The following RIMKLB variants were observed in gnomAD, a reference collection of about 807,000 sequenced individuals.
RIMKLB encodes ribosomal modification protein rimK like family member B.
RIMKLB carries 7 observed loss-of-function variants against 32.0 expected under a neutral mutation model. The observed-to-expected ratio is 0.22, with a 90% CI of 0.12 to 0.41. The LOEUF (loss-of-function observed/expected upper bound fraction) is 0.41. RIMKLB is among the 10% of genes least tolerant of loss of function. RIMKLB has a pLI of 1.00. For synonymous variants in RIMKLB, 172 were observed against 185.1 expected (o/e 0.93, Z 0.57); for missense variants, 289 against 498.7 (o/e 0.58, Z 4.00).
At chr12:8,722,306 A>G (rs1268669732) in intron 2 of RIMKLB, among the ~76,000 whole-genome samples, 1 of 151,786 alleles carries the variant, frequency 6.6e-6, no homozygotes, top group Non-Finnish European at 1.5e-5. Context: ...TAATCTTTTT[A>G]TACATCTTCA....
intron 1 of RIMKLB, among the ~76,000 whole-genome samples, chr12:8,706,777 T>C (rs2136821013): frequency 6.6e-6 from 1 of 152,278 alleles, no homozygotes; most frequent in East Asian, 1.9e-4. Flanking sequence ...AAAAACATGC[T>C]TAACTGAGGC....
At chr12:8,710,611 A>G (rs1372350819) in intron 1 of RIMKLB, among the ~76,000 whole-genome samples, 1 of 152,106 alleles carries the variant, frequency 6.6e-6, no homozygotes, top group Non-Finnish European at 1.5e-5. Context: ...TGGCCTAGAA[A>G]AACATGTTGA....
At chr12:8,731,445 C>A (rs1946534549) in intron 2 of RIMKLB, among the ~76,000 whole-genome samples, 1 of 151,572 alleles carries the variant, frequency 6.6e-6, no homozygotes, top group Non-Finnish European at 1.5e-5. Flanking sequence ...TTAGCCAGTT[C>A]CTGGTGGTGG....
At chr12:8,674,723 T>C in the RIMKLB span, among the ~76,000 whole-genome samples, 1 of 151,918 alleles carries the variant, frequency 6.6e-6, no homozygotes, top group Non-Finnish European at 1.5e-5. Flanking sequence ...CTAATTTTTG[T>C]GTTTTTAGTA....
intron 2 of RIMKLB, among the ~76,000 whole-genome samples, chr12:8,721,095 T>C (rs1356169882): frequency 6.6e-6 from 1 of 152,208 alleles, no homozygotes; most frequent in Admixed American, 6.5e-5. Flanking sequence ...TTAATTGTAA[T>C]GTGTTTTGAT....
intron 1 of RIMKLB, among the ~76,000 whole-genome samples, chr12:8,687,337 G>C (rs1401863389): frequency 6.6e-6 from 1 of 152,048 alleles, no homozygotes; most frequent in Non-Finnish European, 1.5e-5. Context: ...TGTCTTTTTA[G>C]GACATTTCAA....
chr12:8,782,008 T>C (rs74631664), downstream of RIMKLB, among the ~76,000 whole-genome samples: 12 of 132,098 alleles, frequency 9.1e-5, no homozygotes, highest in African/African-American at 4.1e-4. Flanking sequence ...TTATTTCAGC[T>C]TTTTTTTTTT....
chr12:8,737,014 T>C (rs914817272), intron 2 of RIMKLB, among the ~76,000 whole-genome samples: 5 of 152,048 alleles, frequency 3.3e-5, no homozygotes, highest in African/African-American at 1.2e-4. Context: ...GGTTTCACCA[T>C]GTTGGCCAGG....
At chr12:8,745,812 C>T (rs997322522) in intron 2 of RIMKLB, among the ~76,000 whole-genome samples, 1 of 150,402 alleles carries the variant, frequency 6.6e-6, no homozygotes, top group Admixed American at 6.6e-5. Context: ...CTCCTGCCTC[C>T]GCCTCTCAAG....
At chr12:8,700,024 G>A (rs1394355828) in intron 1 of RIMKLB, 1 of 152,168 alleles carries the variant, frequency 6.6e-6, no homozygotes, top group Non-Finnish European at 1.5e-5. Context: ...TTTTGCCCAT[G>A]TTTTCTTAGA....
intron 1 of RIMKLB, among the ~76,000 whole-genome samples, chr12:8,698,728 C>A (rs76504789): frequency 2.3e-5 from 3 of 131,160 alleles, no homozygotes; most frequent in Admixed American, 2.2e-4. Context: ...CCCACAAATT[C>A]TATGGAGCGA....
chr12:8,741,923 CT>C (rs145008488), intron 2 of RIMKLB, among the ~76,000 whole-genome samples: 5,766 of 146,840 alleles, frequency 0.039, 449 homozygotes, highest in African/African-American at 0.13. Flanking sequence ...AAAAGGAGAG[CT>C]TTTTTTTTTG....
At chr12:8,693,626 G>A (rs1440812876), upstream of RIMKLB, among the ~76,000 whole-genome samples, 5 of 151,814 alleles carry the variant, frequency 3.3e-5, no homozygotes, top group African/African-American at 9.7e-5. Context: ...TTGAACTCCC[G>A]ACCTTAGGTG....
chr12:8,676,705 C>T (rs1340091820), upstream of RIMKLB, among the ~76,000 whole-genome samples: 1 of 151,986 alleles, frequency 6.6e-6, no homozygotes, highest in African/African-American at 2.4e-5. Context: ...AGCCCAACAG[C>T]TTTTAAATTA....
chr12:8,693,581 G>A (rs1942794286), upstream of RIMKLB, among the ~76,000 whole-genome samples: 1 of 151,898 alleles, frequency 6.6e-6, no homozygotes, highest in Non-Finnish European at 1.5e-5. Context: ...ATTTTTAATA[G>A]AGATGGGGTT....
intron 1 of RIMKLB, among the ~76,000 whole-genome samples, chr12:8,705,275 G>A (rs1353051550): frequency 1.3e-5 from 2 of 151,908 alleles, no homozygotes; most frequent in African/African-American, 2.4e-5. Flanking sequence ...TCAGGAGTTC[G>A]AGACCAGCCT....
chr12:8,713,486 G>T (rs1040576715), intron 1 of RIMKLB, among the ~76,000 whole-genome samples: 2 of 152,160 alleles, frequency 1.3e-5, no homozygotes, highest in Admixed American at 6.5e-5. Context: ...AAAAGTCAGT[G>T]ATCAGATTAA....
intron 2 of RIMKLB, among the ~76,000 whole-genome samples, chr12:8,728,789 T>TTTG (rs1946276585): frequency 7.6e-6 from 1 of 131,842 alleles, no homozygotes; most frequent in East Asian, 2.0e-4. Flanking sequence ...GTGTGTGTGT[T>TTTG]TTTGTTTGTT....
intron 5 of RIMKLB, among the ~76,000 whole-genome samples, chr12:8,769,251 G>T (rs1950214005): frequency 1.3e-5 from 2 of 151,824 alleles, no homozygotes; most frequent in African/African-American, 2.4e-5. Flanking sequence ...TACTAATGTT[G>T]TCAGAGAATG....
Sources: gnomAD v4.1 joint callset for allele counts (sites outside exome capture counted in the v4.1 genomes callset) on GRCh38, gnomAD v4.1.1 for gene constraint, MANE v1.5 for transcripts, NCBI Gene and HGNC (gene_info 2026-07-23, HGNC 2026-07-21) for gene names.